Variants in MAST1 observed in about 807,000 individuals in gnomAD.
MAST1 encodes the protein microtubule associated serine/threonine kinase 1, also known as microtubule-associated serine/threonine-protein kinase 1.
MAST1 carries 40 observed loss-of-function variants against 124.6 expected under a neutral mutation model. The observed-to-expected ratio is 0.32, with a 90% CI of 0.25 to 0.42. The LOEUF (loss-of-function observed/expected upper bound fraction) is 0.42. MAST1 is among the 10% of genes least tolerant of loss of function. MAST1 has a pLI of 1.00. For missense variants in MAST1, 1,558 were observed against 2,181.9 expected (o/e 0.71, Z 5.70); for synonymous variants, 938 against 939.4 (o/e 1.00, Z 0.03).
In MAST1 at chr19:12,867,975, C is replaced by CCTT; in HGVS notation, c.2565_2566insTTC (p.Ala855_Thr856insPhe). ...ACCTCCAGCGCCGGGGACTCCGAGGCCAGTGAGTGCCCTATCGTGCTGCCT... is the reference window on the plus strand; with the variant it reads ...ACCTCCAGCGCCGGGGACTCCGAGGCCTTCAGTGAGTGCCCTATCGTGCTGCCT... On this transcript the variant is annotated inframe_insertion and splice_region_variant, in exon 20 of 26. Coordinates refer to ENST00000251472, the MANE Select transcript of MAST1 (RefSeq NM_014975.3). The CCTT allele has an allele frequency of 6.5e-7, 1 of 1,541,594 alleles. No individual in the cohort carries two copies. The highest frequency in any genetic ancestry group is 8.7e-7 in the Non-Finnish European group (1 of 1,146,486).
intron 12 of MAST1, among the ~76,000 whole-genome samples, chr19:12,863,513 C>CA (rs1970111676): frequency 6.6e-6 from 1 of 152,190 alleles, no homozygotes; most frequent in African/African-American, 2.4e-5. Context: ...TGTAGGTGCT[C>CA]AAACCATTCC....
At position 12,852,142 on chromosome 19, in the gene MAST1, C is replaced by T. The variant is rs1969968090; in HGVS notation, c.904C>T (p.Leu302=). The change falls in exon 9 of 26, where the codon CTG becomes TTG. Residue 302 remains leucine, a synonymous_variant. Transcript: ENST00000251472. ...LEFNPEEFYH[L]LEAAEGHAKE... is the part of the protein sequence containing the mutation. ...ATTCAACCCCGAGGAGTTCTACCAC[C>T]TGCTGGAGGCGGCCGAAGGACACGC... 6.2e-7 allele frequency: 1 copy of T among 1,614,000 alleles called. No individual in the cohort carries two copies. Among genetic ancestry groups the T allele is most frequent in the African/African-American group, 1.3e-5 (1 of 75,076 alleles).
chr19:12,848,175 G>A, intron 7 of MAST1, 118 bp downstream of exon 7: 2 of 933,904 alleles, frequency 2.1e-6, no homozygotes, highest in South Asian at 3.2e-5. Context: ...CCAGGCACTG[G>A]CGTGGAGCTG....
chr19:12,841,347 C>G lies in MAST1; in HGVS notation c.248+281C>G, dbSNP rs1254838286. 1.3e-5 allele frequency among the ~76,000 whole-genome samples: 2 copies of G among 152,254 alleles called. No homozygotes were observed. The highest frequency in any genetic ancestry group is 2.4e-5 in the African/African-American group (1 of 41,474). ...GGCGCGGGGTCTTAGTCTCTCCGAG[C>G]CTTGCTCTCCTGGCCAGGTGTTTCC... On this transcript the variant is annotated intron_variant, in intron 3 of 25. Transcript: ENST00000251472. The surrounding 1 kb of genome is among the most constrained non-coding windows in gnomAD (Gnocchi z 4.3).
rs1384745296 is a variant in MAST1 at position 12,866,346 on chromosome 19, G to GT, written c.2029+245dup. On this transcript the variant is annotated intron_variant, in intron 17 of 25. Transcript: ENST00000251472. This position sits in a 1 kb window ranked among gnomAD's most constrained non-coding sequence, Gnocchi z 5.2. The stretch of plus-strand genomic sequence containing the variant: ...GTGTGGGGCCTGGCCTGGGTGAGTT[G>GT]TGAGTGTGGGCCTGGAACTGAACTA... Among the ~76,000 whole-genome samples, 12 of 152,064 alleles carry GT rather than the reference G, an allele frequency of 7.9e-5. No individual in the cohort carries two copies. Among genetic ancestry groups the GT allele is most frequent in the Non-Finnish European group, 1.0e-4 (7 of 67,972 alleles).
In MAST1 at chr19:12,873,957, C is replaced by T; in HGVS notation, c.3800C>T (p.Ala1267Val). ...RSPLLKRVQS[A>V]EKLGASLSAD... ...CCGCTCCTCAAGCGCGTGCAGTCGG[C>T]CGAGAAGCTGGGAGCCTCTTTGAGT... is the stretch of plus-strand genomic sequence containing the variant. Residue 1267 changes from alanine to valine, a missense_variant, in exon 26 of 26, where the codon GCC (alanine) becomes GTC (valine). Transcript: ENST00000251472. The T allele has an allele frequency of 1.9e-6, 3 of 1,597,160 alleles. No individual in the cohort carries two copies. Among genetic ancestry groups the T allele is most frequent in the Non-Finnish European group, 2.5e-6 (3 of 1,177,794 alleles).
At position 12,869,075 on chromosome 19, in the gene MAST1, A is replaced by G; in HGVS notation, c.2783A>G (p.His928Arg). 6.2e-7 allele frequency: 1 copy of G among 1,614,120 alleles called. No individual in the cohort carries two copies. Among genetic ancestry groups the G allele is most frequent in the Non-Finnish European group, 8.5e-7 (1 of 1,180,004 alleles). ...LSVMIPAVDP[H>R]GSSPLASPMS... ...GGTTGTGTGTCTGTAGTGGACCCAC[A>G]TGGAAGTTCACCCCTTGCTAGTCCC... The change falls in exon 22 of 26, where the codon CAT (histidine) becomes CGT (arginine). Residue 928 changes from histidine to arginine, a missense_variant. His to Arg is a conservative substitution (Grantham distance 29, BLOSUM62 0). Transcript: ENST00000251472.
intron 10 of MAST1, among the ~76,000 whole-genome samples, chr19:12,856,210 C>T (rs541007375): frequency 1.8e-3 from 268 of 151,240 alleles, no homozygotes; most frequent in Non-Finnish European, 2.8e-3. Flanking sequence ...AAATAATTTT[C>T]AAGAAAGATA....
chr19:12,857,511 A>G (rs1205840089), intron 10 of MAST1, among the ~76,000 whole-genome samples: 1 of 151,508 alleles, frequency 6.6e-6, no homozygotes, highest in South Asian at 2.1e-4. Context: ...TCCCGGGTTC[A>G]CGCCATTCTC....
intron 20 of MAST1, 126 bp downstream of exon 20, chr19:12,868,103 A>AT (rs34988246): frequency 0.06 from 19,083 of 319,730 alleles, 869 homozygotes; most frequent in African/African-American, 0.17. Flanking sequence ...GCAATTTGGG[A>AT]TTTTTTTTTT....
intron 12 of MAST1, among the ~76,000 whole-genome samples, chr19:12,861,846 G>C (rs1002590506): frequency 2.6e-5 from 4 of 151,722 alleles, no homozygotes; most frequent in African/African-American, 9.7e-5. Flanking sequence ...GGGATTACAG[G>C]TGCCCGCCAC....
Position 12,847,207 on chromosome 19 carries a change from C to G in MAST1, c.328-83C>G. 1.2e-6 allele frequency: 1 copy of G among 862,726 alleles called. No homozygotes were observed. The highest frequency in any genetic ancestry group is 2.2e-5 in the Admixed American group (1 of 44,888). The allele number at this position is 862,726 out of a possible 1,614,324, so 53.4% of individuals were successfully genotyped here. A position where few individuals can be genotyped will look rare whatever the true frequency, so the allele number is the denominator to read the frequency against. ...TCCTGGCCTTGCCCAGTGACCCCAT[C>G]GGCTTTGGGAGTCCCAGCTCAGGGT... is the stretch of plus-strand genomic sequence containing the variant. On this transcript the variant is annotated intron_variant, in intron 4 of 25. Transcript: ENST00000251472. This position sits in a 1 kb window ranked among gnomAD's most constrained non-coding sequence, Gnocchi z 5.5.
chr19:12,854,297 AT>A (rs1238809347), intron 10 of MAST1, among the ~76,000 whole-genome samples: 2 of 151,644 alleles, frequency 1.3e-5, no homozygotes, highest in African/African-American at 4.8e-5. Context: ...CTAATTTTGT[AT>A]TTTTAGTAAA....
chr19:12,847,424 C>A lies in MAST1; in HGVS notation c.462C>A (p.Ala154=), dbSNP rs1314741633. The part of the protein sequence containing the change: ...TDEDGGRRSP[A]VRPRSRSLSP... ...AGGATGGTGGCCGTCGCTCCCCAGC[C>A]GTGCGGCCCCGCTCACGGAGCCTCA... Residue 154 remains alanine, a synonymous_variant, in exon 5 of 26, where the codon GCC becomes GCA. Transcript: ENST00000251472. The surrounding 1 kb of genome is among the most constrained non-coding windows in gnomAD (Gnocchi z 5.5). 6.2e-7 allele frequency: 1 copy of A among 1,613,774 alleles called. No individual in the cohort carries two copies. Among genetic ancestry groups the A allele is most frequent in the South Asian group, 1.1e-5 (1 of 91,056 alleles).
At chr19:12,842,860 G>A (rs1969848754) in intron 3 of MAST1, among the ~76,000 whole-genome samples, 1 of 152,176 alleles carries the variant, frequency 6.6e-6, no homozygotes, top group East Asian at 1.9e-4. Flanking sequence ...GTGTCTATAG[G>A]TGAGTGCATG....
chr19:12,870,993 T>G, intron 23 of MAST1, 43 bp from the exon 24 acceptor site: 1 of 1,613,732 alleles, frequency 6.2e-7, no homozygotes, highest in Non-Finnish European at 8.5e-7. Flanking sequence ...GGGGGAGGCC[T>G]GAGCAGCCCC....
chr19:12,848,099 C>T lies in MAST1; in HGVS notation c.774+42C>T, dbSNP rs201199106. The stretch of plus-strand genomic sequence containing the variant: ...GCCGGGCTGATCTCAGGCTCAGCAC[C>T]GCCAGATTGTGCCCAATGCACCCCT... On this transcript the variant is annotated intron_variant, in intron 7 of 25. Coordinates refer to ENST00000251472, the MANE Select transcript of MAST1 (RefSeq NM_014975.3). The T allele has an allele frequency of 2.2e-5, 34 of 1,568,784 alleles. No individual in the cohort carries two copies. The Admixed American group carries it at 4.0e-4, about 18-fold the overall frequency.
chr19:12,865,354 C>T lies in MAST1; in HGVS notation c.1677C>T (p.Ile559=). 6.2e-7 allele frequency: 1 copy of T among 1,608,690 alleles called. No homozygotes were observed. The highest frequency in any genetic ancestry group is 8.5e-7 in the Non-Finnish European group (1 of 1,177,306). The part of the protein sequence containing the change: ...GTPEYIAPEV[I]LRQGYGKPVD... ...CAGAGTACATCGCGCCCGAGGTCATCCTGCGTCAAGGCTACGGCAAGCCAG... is the reference window on the plus strand; with the variant it reads ...CAGAGTACATCGCGCCCGAGGTCATTCTGCGTCAAGGCTACGGCAAGCCAG... Residue 559 remains isoleucine, a synonymous_variant, in exon 15 of 26, where the codon ATC becomes ATT. Coordinates refer to ENST00000251472, the MANE Select transcript of MAST1 (RefSeq NM_014975.3). This position sits in a 1 kb window ranked among gnomAD's most constrained non-coding sequence, Gnocchi z 7.1.
chr19:12,847,148 T>A lies in MAST1; in HGVS notation c.328-142T>A. ...CTGTGGCCAAGAGTCCCAGCCAAGA[T>A]CCTAGGATCCAAGGATCGTAAATCA... On this transcript the variant is annotated intron_variant, in intron 4 of 25. Coordinates refer to ENST00000251472, the MANE Select transcript of MAST1 (RefSeq NM_014975.3). This position sits in a 1 kb window ranked among gnomAD's most constrained non-coding sequence, Gnocchi z 5.5. The A allele has an allele frequency of 1.6e-6, 1 of 636,846 alleles. No homozygotes were observed. Among genetic ancestry groups the A allele is most frequent in the Non-Finnish European group, 2.8e-6 (1 of 359,420 alleles). 39.4% of individuals were successfully genotyped at this position (636,846 alleles called of 1,614,324 possible).
Sources: allele counts gnomAD v4.1 joint callset (sites outside exome capture counted in the v4.1 genomes callset), GRCh38; gene constraint gnomAD v4.1.1; non-coding constraint Gnocchi (gnomAD v3.1); transcripts MANE v1.5; gene names NCBI Gene and HGNC (gene_info 2026-07-23, HGNC 2026-07-21).